Variants in DNAJC1 observed in about 807,000 individuals in gnomAD.
DNAJC1 encodes DnaJ heat shock protein family (Hsp40) member C1.
DNAJC1 carries 58 observed loss-of-function variants against 76.6 expected under a neutral mutation model. The observed-to-expected ratio is 0.76, with a 90% CI of 0.61 to 0.94. The LOEUF (loss-of-function observed/expected upper bound fraction) is 0.94, where lower values mean the gene tolerates loss of function less well. DNAJC1 is among the 40% of genes least tolerant of loss of function. The pLI, the probability that DNAJC1 is intolerant of heterozygous loss-of-function variation, is 0.00. For missense variants in DNAJC1, 689 were observed against 677.3 expected, an observed-to-expected ratio of 1.02 and a Z score of -0.19; for synonymous variants, 258 against 267.9, an observed-to-expected ratio of 0.96 and a Z score of 0.36.
At chr10:21,930,381 G>C in intron 1 of DNAJC1, among the ~76,000 whole-genome samples, 1 of 152,284 alleles carries the variant, frequency 6.6e-6, no homozygotes, top group East Asian at 1.9e-4. Flanking sequence ...TCATTTGATA[G>C]CTGACTGTCT....
intron 8 of DNAJC1, among the ~76,000 whole-genome samples, chr10:21,826,650 T>A (rs1162662308): frequency 6.6e-6 from 1 of 152,248 alleles, no homozygotes; most frequent in Non-Finnish European, 1.5e-5. Flanking sequence ...TACATTTATA[T>A]CTTTGACCCA....
intron 9 of DNAJC1, among the ~76,000 whole-genome samples, chr10:21,786,568 C>G (rs558819566): frequency 1.3e-5 from 2 of 151,578 alleles, no homozygotes; most frequent in East Asian, 3.9e-4. Flanking sequence ...TCACTGCAGC[C>G]TCTGCCTCCT....
chr10:21,810,419 T>C (rs1448778616), intron 8 of DNAJC1, among the ~76,000 whole-genome samples: 3 of 152,120 alleles, frequency 2.0e-5, no homozygotes, highest in Non-Finnish European at 4.4e-5. Flanking sequence ...GAACATAATA[T>C]AAAGGACAAG....
chr10:22,003,125 C>CT, intron 1 of DNAJC1, 88 bp downstream of exon 1: 1 of 1,369,222 alleles, frequency 7.3e-7, no homozygotes, highest in Non-Finnish European at 9.5e-7. Context: ...AAGCCCTGCC[C>CT]TACGTGTCCG....
intron 8 of DNAJC1, among the ~76,000 whole-genome samples, chr10:21,853,989 A>G (rs1170369445): frequency 1.3e-5 from 2 of 152,024 alleles, no homozygotes; most frequent in Non-Finnish European, 2.9e-5. Flanking sequence ...ATCAACACAT[A>G]AAGGATAAGA....
intron 8 of DNAJC1, among the ~76,000 whole-genome samples, chr10:21,876,220 C>G (rs1836186167): frequency 6.6e-6 from 1 of 151,628 alleles, no homozygotes; most frequent in African/African-American, 2.4e-5. Flanking sequence ...AAGAGATTCT[C>G]CTGCCTCAGG....
At chr10:21,842,349 G>T (rs548200428) in intron 8 of DNAJC1, among the ~76,000 whole-genome samples, 1 of 152,182 alleles carries the variant, frequency 6.6e-6, no homozygotes, top group South Asian at 2.1e-4. Context: ...ATAAGAGATT[G>T]GACTAGGATG....
chr10:21,905,605 C>T (rs1386398693), intron 6 of DNAJC1, among the ~76,000 whole-genome samples: 1 of 152,180 alleles, frequency 6.6e-6, no homozygotes, highest in Admixed American at 6.5e-5. Context: ...TTGTACACTA[C>T]TTCTATATTT....
chr10:21,951,396 A>C (rs1379324963), intron 1 of DNAJC1, among the ~76,000 whole-genome samples: 1 of 152,196 alleles, frequency 6.6e-6, no homozygotes, highest in Non-Finnish European at 1.5e-5. Flanking sequence ...TGGTTAAAAA[A>C]GCAGAAAACT....
intron 8 of DNAJC1, among the ~76,000 whole-genome samples, chr10:21,840,011 T>C (rs920511306): frequency 4.6e-5 from 7 of 152,190 alleles, no homozygotes; most frequent in African/African-American, 1.7e-4. Context: ...CACATGATTA[T>C]CTCAATAGAT....
chr10:21,882,320 C>T lies in DNAJC1; in HGVS notation c.940G>A (p.Asp314Asn), dbSNP rs752364116. Residue 314 changes from aspartate (D) to asparagine (N), a missense_variant, in exon 8 of 12, where the codon GAT becomes AAT. Asp to Asn is a conservative substitution (Grantham distance 23). Coordinates refer to ENST00000376980, the MANE Select transcript of DNAJC1 (RefSeq NM_022365.4). ...GTTCGGTTCCTGTTTTCCAACCAAT[C>T]ATCCATTTGTTCCTCAATTTCTTCT... Reference protein sequence around the residue: ...SIEEIEEQMDDWLENRNRTQK... With the variant: ...SIEEIEEQMDNWLENRNRTQK... 3 of 1,600,900 alleles carry T rather than the reference C, an allele frequency of 1.9e-6. No individual in the cohort carries two copies. The highest frequency in any genetic ancestry group is 2.5e-6 in the Non-Finnish European group (3 of 1,176,646).
At chr10:21,905,863 G>T (rs1242165687) in intron 6 of DNAJC1, among the ~76,000 whole-genome samples, 6 of 152,088 alleles carry the variant, frequency 3.9e-5, no homozygotes, top group Non-Finnish European at 8.8e-5. Flanking sequence ...AACATTCTCA[G>T]ACCATAAGAT....
intron 8 of DNAJC1, 37 bp downstream of exon 8, chr10:21,882,243 CAT>C: frequency 6.4e-7 from 1 of 1,560,486 alleles, no homozygotes; most frequent in Non-Finnish European, 8.6e-7. Context: ...CTTTTCTGTA[CAT>C]GTTTTACTCA....
chr10:21,921,953 T>C (rs1564828184), intron 3 of DNAJC1, among the ~76,000 whole-genome samples: 2 of 152,132 alleles, frequency 1.3e-5, no homozygotes, highest in East Asian at 3.9e-4. Context: ...AATATTCTAA[T>C]CACACTATTT....
intron 6 of DNAJC1, among the ~76,000 whole-genome samples, chr10:21,915,106 G>A (rs921305695): frequency 9.9e-5 from 15 of 152,160 alleles, no homozygotes; most frequent in Non-Finnish European, 1.9e-4. Context: ...TGGCTGAACT[G>A]TCTTTCTAAA....
intron 7 of DNAJC1, 108 bp downstream of exon 7, chr10:21,904,414 A>T: frequency 1.4e-6 from 1 of 712,988 alleles, no homozygotes; most frequent in Non-Finnish European, 2.1e-6. Context: ...TGGGAAAAAA[A>T]AAAAAAGAAA....
At position 21,882,420 on chromosome 10, in the gene DNAJC1, T is replaced by C; in HGVS notation, c.840A>G (p.Lys280=). Residue 280 remains lysine, a synonymous_variant, in exon 8 of 12, where the codon AAA becomes AAG. Transcript: ENST00000376980. ...ETLQKQKKVK[K]PKPEFPVYTP... is the part of the protein sequence containing the mutation. ...TGTATACAGGAAATTCAGGTTTTGG[T>C]TTTTTAACTTTCTTCTGTTCTAAAA... is the stretch of plus-strand genomic sequence containing the variant. The C allele has an allele frequency of 1.3e-6, 2 of 1,506,308 alleles. No individual in the cohort carries two copies. The highest frequency in any genetic ancestry group is 2.5e-5 in the East Asian group (1 of 39,286). The allele number at this position is 1,506,308 out of a possible 1,614,324, so 93.3% of individuals were successfully genotyped here.
intron 1 of DNAJC1, among the ~76,000 whole-genome samples, chr10:22,000,138 G>A (rs1022344569): frequency 3.3e-5 from 5 of 151,900 alleles, no homozygotes; most frequent in East Asian, 3.9e-4. Flanking sequence ...TTTTTCTCTC[G>A]CATACCACAT....
At chr10:21,837,935 C>T (rs1316482117) in intron 8 of DNAJC1, among the ~76,000 whole-genome samples, 55 of 145,806 alleles carry the variant, frequency 3.8e-4, no homozygotes, top group African/African-American at 1.1e-3. Flanking sequence ...AGCCCCCGCC[C>T]GGCCAGCCGC....
Sources: allele counts gnomAD v4.1 joint callset (sites outside exome capture counted in the v4.1 genomes callset), GRCh38; gene constraint gnomAD v4.1.1; transcripts MANE v1.5; gene names NCBI Gene and HGNC (gene_info 2026-07-23, HGNC 2026-07-21).